FADS2: variants seen among roughly 807,000 people sequenced by gnomAD.
The protein encoded by FADS2 is fatty acid desaturase 2.
In FADS2, 18 loss-of-function variants were observed where a neutral mutation model predicts 61.2. The ratio of observed to expected loss-of-function variants is 0.29; its 90% confidence interval spans 0.20 to 0.44. FADS2 has a LOEUF of 0.44. Among genes scored for constraint, FADS2 ranks in the 20% least tolerant of loss-of-function variants. The probability of loss-of-function intolerance (pLI) is 1.00; values close to 1 mark genes in which losing one functional copy is unlikely to be tolerated. For missense variants in FADS2, 322 were observed against 572.7 expected, an observed-to-expected ratio of 0.56 and a Z score of 4.47; for synonymous variants, 203 against 223.9, an observed-to-expected ratio of 0.91 and a Z score of 0.83.
At chr11:61,832,426 G>T (rs2067137957) in intron 1 of FADS2, among the ~76,000 whole-genome samples, 2 of 152,320 alleles carry the variant, frequency 1.3e-5, no homozygotes, top group Admixed American at 1.3e-4. Flanking sequence ...TCCAATTTCT[G>T]TGGCTGTAGC....
At chr11:61,841,853 T>G (rs1323071136) in intron 4 of FADS2, among the ~76,000 whole-genome samples, 1 of 152,084 alleles carries the variant, frequency 6.6e-6, no homozygotes, top group African/African-American at 2.4e-5. Flanking sequence ...CAAAAGTCAT[T>G]AGAAGTGCAG....
At chr11:61,863,232 C>A in intron 8 of FADS2, 50 bp from the exon 9 acceptor site, 1 of 1,519,638 alleles carries the variant, frequency 6.6e-7, no homozygotes, top group Non-Finnish European at 9.1e-7. Context: ...TCTGTTCCCA[C>A]TGTGGCTGGG....
At chr11:61,819,342 G>A (rs1010533738) in intron 1 of FADS2, among the ~76,000 whole-genome samples, 10 of 152,320 alleles carry the variant, frequency 6.6e-5, no homozygotes, top group Admixed American at 2.0e-4. Flanking sequence ...TTGGGAGGTC[G>A]AGGCAGGCGG....
chr11:61,826,369 C>G (rs972299655), upstream of FADS2: 9 of 702,484 alleles, frequency 1.3e-5, no homozygotes, highest in Non-Finnish European at 2.3e-5. Context: ...CTACACAGGC[C>G]ACCCATACGT....
intron 9 of FADS2, 130 bp downstream of exon 9, chr11:61,863,508 T>A: frequency 1.2e-6 from 1 of 819,866 alleles, no homozygotes; most frequent in East Asian, 2.6e-5. Flanking sequence ...TGCTGGGAGC[T>A]TCAGGGCTGA....
At chr11:61,825,790 G>T (rs768654095), upstream of FADS2, among the ~76,000 whole-genome samples, 2 of 151,884 alleles carry the variant, frequency 1.3e-5, no homozygotes, top group Non-Finnish European at 2.9e-5. Context: ...CTACTCGGGA[G>T]GCTGAGGCAG....
intron 1 of FADS2, among the ~76,000 whole-genome samples, chr11:61,819,055 T>G (rs549898606): frequency 6.6e-6 from 1 of 151,970 alleles, no homozygotes; most frequent in African/African-American, 2.4e-5. Flanking sequence ...TTTGTATTTT[T>G]AGTAGAGTTG....
At chr11:61,842,487 G>A (rs1471573748) in intron 4 of FADS2, among the ~76,000 whole-genome samples, 2 of 152,266 alleles carry the variant, frequency 1.3e-5, no homozygotes, top group Admixed American at 6.5e-5. Flanking sequence ...GGCAGGGGCC[G>A]GGCAGGGGGG....
chr11:61,851,194 G>A (rs1259188351), intron 5 of FADS2, among the ~76,000 whole-genome samples: 1 of 152,204 alleles, frequency 6.6e-6, no homozygotes, highest in Non-Finnish European at 1.5e-5. Context: ...TTTTCTCGGC[G>A]AGGCTTTGTA....
chr11:61,851,659 C>A (rs977867390), intron 5 of FADS2, among the ~76,000 whole-genome samples: 43 of 152,196 alleles, frequency 2.8e-4, no homozygotes, highest in African/African-American at 8.9e-4. Flanking sequence ...CCAGGTGGGG[C>A]GGCCAGGTCC....
At chr11:61,859,560 G>A (rs2135977772) in intron 7 of FADS2, among the ~76,000 whole-genome samples, 1 of 152,258 alleles carries the variant, frequency 6.6e-6, no homozygotes, top group Non-Finnish European at 1.5e-5. Context: ...AATCCTGATG[G>A]TCTCCATGTT....
chr11:61,824,488 GAGAAAGAAAGAAAGGAAAGAA>G (rs1371867140), upstream of FADS2, among the ~76,000 whole-genome samples: 16 of 54,246 alleles, frequency 2.9e-4, no homozygotes, highest in Non-Finnish European at 3.4e-4. Context: ...GAGAGAGAGA[GAGAAAGAAAGAAAGGAAAGAA>G]AGAAAGAAAG....
At chr11:61,863,108 T>C in intron 8 of FADS2, 39 bp downstream of exon 8, 1 of 1,559,184 alleles carries the variant, frequency 6.4e-7, no homozygotes, top group Non-Finnish European at 8.8e-7. Context: ...GGCCCTCCAC[T>C]GGCACTGATG....
chr11:61,853,286 C>CCTTCCTT (rs1205624356), intron 5 of FADS2, among the ~76,000 whole-genome samples: 3,668 of 55,374 alleles, frequency 0.066, 134 homozygotes, highest in East Asian at 0.22. Flanking sequence ...TTCCCTCCCT[C>CCTTCCTT]CCTCCCTTCC....
At chr11:61,841,315 G>T (rs1193498039) in intron 4 of FADS2, among the ~76,000 whole-genome samples, 1 of 152,090 alleles carries the variant, frequency 6.6e-6, no homozygotes, top group Non-Finnish European at 1.5e-5. Context: ...CTCCCAAAGT[G>T]CTGGGATTAC....
At chr11:61,824,453 AG>A (rs1565325242), upstream of FADS2, among the ~76,000 whole-genome samples, 1 of 3,586 alleles carries the variant, frequency 2.8e-4, no homozygotes, top group Non-Finnish European at 7.4e-4. Flanking sequence ...GGAGGGAGGG[AG>A]GGAGGGAGAG....
chr11:61,840,763 C>T (rs1191275963), intron 4 of FADS2, 38 bp downstream of exon 4: 2 of 1,483,232 alleles, frequency 1.3e-6, no homozygotes, highest in South Asian at 1.1e-5. Context: ...TCCTGTTGGA[C>T]AGCAGTTGAG....
intron 1 of FADS2, among the ~76,000 whole-genome samples, chr11:61,833,388 C>A (rs550566761): frequency 1.9e-4 from 29 of 152,330 alleles, no homozygotes; most frequent in South Asian, 6.2e-4. Context: ...GTGCTGGAAA[C>A]CTTCTGCCAG....
chr11:61,867,015 C>CG lies in FADS2; in HGVS notation c.*1329dup, dbSNP rs2067477300. ...CTGGAGGTGCTGGTAGCTGAGGGGA[C>CG]GGGCAAGTGAGAGGGGAGGGAGGGA... On this transcript the variant is annotated 3_prime_UTR_variant, in exon 12 of 12. Coordinates refer to ENST00000278840, the MANE Select transcript of FADS2 (RefSeq NM_004265.4). 6.6e-6 allele frequency: 1 copy of CG among 150,788 alleles called. No individual in the cohort carries two copies. Among genetic ancestry groups the CG allele is most frequent in the African/African-American group, 2.5e-5 (1 of 40,800 alleles). The allele number at this position is 150,788 out of a possible 1,614,324, so 9.3% of individuals were successfully genotyped here.
Sources: gnomAD v4.1 joint callset for allele counts (sites outside exome capture counted in the v4.1 genomes callset) on GRCh38, gnomAD v4.1.1 for gene constraint, MANE v1.5 for transcripts, NCBI Gene and HGNC (gene_info 2026-07-23, HGNC 2026-07-21) for gene names.